Variants in ZCCHC2 observed in about 807,000 individuals in gnomAD.
The protein encoded by ZCCHC2 is zinc finger CCHC-type containing 2.
A neutral mutation model predicts 103.6 loss-of-function variants in ZCCHC2; 39 were observed. The ratio of observed to expected loss-of-function variants is 0.38; its 90% CI spans 0.29 to 0.49. The LOEUF (loss-of-function observed/expected upper bound fraction) is 0.49, where lower values mean the gene tolerates loss of function less well. ZCCHC2 is among the 20% of genes least tolerant of loss of function. The pLI, the probability that ZCCHC2 is intolerant of heterozygous loss-of-function variation, is 0.96. For missense variants in ZCCHC2, 1,483 were observed against 1,491.0 expected, an observed-to-expected ratio of 0.99 and a Z score of 0.09; for synonymous variants, 687 against 608.9, an observed-to-expected ratio of 1.13 and a Z score of -1.89.
rs763927773 is a variant in ZCCHC2 at position 62,575,501 on chromosome 18, A to C, written c.3420A>C (p.Gly1140=). The part of the protein sequence containing the change: ...NVSCYNCGVS[G]HYAQDCKQSS... The stretch of plus-strand genomic sequence containing the variant: ...CATGTTACAATTGTGGTGTAAGCGG[A>C]CACTATGCACAGGACTGTAAGCAGT... The change falls in exon 13 of 14, where the codon GGA becomes GGC. Residue 1140 remains glycine, a synonymous_variant. Coordinates refer to ENST00000269499, the MANE Select transcript of ZCCHC2 (RefSeq NM_017742.6). 3 of 1,613,926 alleles carry C rather than the reference A, an allele frequency of 1.9e-6. No individual in the cohort carries two copies. The African/African-American group carries it at 4.0e-5, about 22-fold the overall frequency.
chr18:62,549,784 C>T (rs1195109779), intron 4 of ZCCHC2, among the ~76,000 whole-genome samples: 3 of 152,154 alleles, frequency 2.0e-5, no homozygotes, highest in Admixed American at 6.5e-5. Flanking sequence ...GCACCTCTGG[C>T]GTGTGGTTTT....
chr18:62,545,428 C>CAG (rs1915370185), intron 4 of ZCCHC2, among the ~76,000 whole-genome samples: 1 of 152,014 alleles, frequency 6.6e-6, no homozygotes, highest in African/African-American at 2.4e-5. Context: ...CTTTGAGTTC[C>CAG]AGCTCCTCCC....
At chr18:62,526,949 GCTGGGCCGTA>G (rs983692390) in intron 1 of ZCCHC2, 1 of 149,236 alleles carries the variant, frequency 6.7e-6, no homozygotes, top group African/African-American at 2.5e-5. Flanking sequence ...TGGATGCTGC[GCTGGGCCGTA>G]CTGGGCCGTG....
At position 62,549,887 on chromosome 18, in the gene ZCCHC2, G is replaced by A. The variant is rs557873362; in HGVS notation, c.1201-461G>A. Reference sequence around the variant, plus strand: ...GCACTGGTGATCTGACATTGCCTGAGAGTAAAACGTAAAACAGGAGGCACA... The same window carrying A: ...GCACTGGTGATCTGACATTGCCTGAAAGTAAAACGTAAAACAGGAGGCACA... On this transcript the variant is annotated intron_variant, in intron 4 of 13. Coordinates refer to ENST00000269499, the MANE Select transcript of ZCCHC2 (RefSeq NM_017742.6). Among the ~76,000 whole-genome samples, 5 of 152,340 alleles carry A rather than the reference G, an allele frequency of 3.3e-5. No homozygotes were observed. The South Asian group carries it at 1.0e-3, about 32-fold the overall frequency.
chr18:62,535,815 G>A (rs546996885), intron 1 of ZCCHC2, among the ~76,000 whole-genome samples: 62 of 152,290 alleles, frequency 4.1e-4, no homozygotes, highest in Middle Eastern at 3.4e-3. Flanking sequence ...CCTTTAATCC[G>A]CCACGGAAGC....
intron 11 of ZCCHC2, among the ~76,000 whole-genome samples, chr18:62,567,960 G>T (rs115627914): frequency 1.3e-4 from 8 of 61,944 alleles, no homozygotes; most frequent in South Asian, 6.8e-4. Flanking sequence ...AAAAAAAAAA[G>T]AATGCTCATC....
intron 9 of ZCCHC2, among the ~76,000 whole-genome samples, chr18:62,563,402 T>C (rs1916210479): frequency 6.6e-6 from 1 of 152,214 alleles, no homozygotes; most frequent in Admixed American, 6.5e-5. Flanking sequence ...GTCACGCTTC[T>C]AATCCCAGCA....
chr18:62,563,142 C>A lies in ZCCHC2; in HGVS notation c.1684C>A (p.Gln562Lys). 6.2e-7 allele frequency: 1 copy of A among 1,612,414 alleles called. No homozygotes were observed. The highest frequency in any genetic ancestry group is 1.7e-5 in the Admixed American group (1 of 59,998). Residue 562 changes from glutamine to lysine, a missense_variant and splice_region_variant, in exon 9 of 14, where the codon CAG becomes AAG. Transcript: ENST00000269499. ...HPEHCVTSAD[Q>K]HSAEKRSLSS... ...AGAGCACTGTGTGACCTCGGCTGAC[C>A]AGGTGTGTGGGGAGTTTGTTTTGGA...
In ZCCHC2 at chr18:62,575,452, G is replaced by T; in HGVS notation, c.3371G>T (p.Gly1124Val). 6.2e-7 allele frequency: 1 copy of T among 1,614,016 alleles called. No individual in the cohort carries two copies. The highest frequency in any genetic ancestry group is 1.3e-5 in the African/African-American group (1 of 75,036). Residue 1124 changes from glycine (G) to valine (V), a missense_variant, in exon 13 of 14, where the codon GGG (glycine) becomes GTG (valine). Gly to Val is a moderately radical substitution (Grantham distance 109). Around this residue, in one of 3 missense-constraint regions of ZCCHC2, gnomAD observed 884 missense variants for 907.5 expected, o/e 0.97. Transcript: ENST00000269499. ...PNVVANTSGS[G>V]PKKNGNVSCY... is the part of the protein sequence containing the mutation. ...GTAGTTGCCAACACCAGTGGTTCGGGGCCCAAGAAGAATGGGAATGTCTCA... is the reference window on the plus strand; with the variant it reads ...GTAGTTGCCAACACCAGTGGTTCGGTGCCCAAGAAGAATGGGAATGTCTCA...
intron 4 of ZCCHC2, among the ~76,000 whole-genome samples, chr18:62,546,709 T>C (rs550063868): frequency 6.0e-4 from 92 of 152,262 alleles, no homozygotes; most frequent in Non-Finnish European, 9.6e-4. Flanking sequence ...GTCTGCCTTC[T>C]ACTGGCTTTC....
At position 62,523,447 on chromosome 18, in the gene ZCCHC2, T is replaced by C; in HGVS notation, c.23T>C (p.Leu8Pro). 5 of 1,089,908 alleles carry C rather than the reference T, an allele frequency of 4.6e-6. No individual in the cohort carries two copies. The highest frequency in any genetic ancestry group is 1.8e-5 in the African/African-American group (1 of 56,080). The allele number at this position is 1,089,908 out of a possible 1,614,324, so 67.5% of individuals were successfully genotyped here. Residue 8 changes from leucine to proline, a missense_variant, in exon 1 of 14, where the codon CTG (leucine) becomes CCG (proline). Coordinates refer to ENST00000269499, the MANE Select transcript of ZCCHC2 (RefSeq NM_017742.6). ...AGGATGCTGAGGATGAAGCTGCCGC[T>C]GAAGCCAACGCACCCCGCGGAGCCG... is the stretch of plus-strand genomic sequence containing the variant. MLRMKLP[L>P]KPTHPAEPPP...
chr18:62,554,356 G>C (rs944497919), intron 5 of ZCCHC2, among the ~76,000 whole-genome samples: 28 of 152,244 alleles, frequency 1.8e-4, no homozygotes, highest in African/African-American at 6.8e-4. Flanking sequence ...ATATGCTGTA[G>C]GTTAGGAAAA....
rs112771180 is a variant in ZCCHC2, at chr18:62,578,357, G to C, written c.*1778G>C. On this transcript the variant is annotated 3_prime_UTR_variant, in exon 14 of 14. Transcript: ENST00000269499. ...TTTTGATAAGCCACTTATGGGCCGC[G>C]TTGTGAATCACTTGCCAGTTGTACT... 6.6e-6 allele frequency: 1 copy of C among 152,566 alleles called. No individual in the cohort carries two copies. The highest frequency in any genetic ancestry group is 6.5e-5 in the Admixed American group (1 of 15,276). The allele number at this position is 152,566 out of a possible 1,614,324, so 9.5% of individuals were successfully genotyped here.
chr18:62,558,745 C>T lies in ZCCHC2; in HGVS notation c.1467C>T (p.Ser489=), dbSNP rs779864339. The change falls in exon 7 of 14, where the codon AGC becomes AGT. Residue 489 remains serine, a synonymous_variant. Transcript: ENST00000269499. ...SKILEHLKED[S]SEASSQEEDV... ...TATTAGAACACTTAAAAGAAGACAG[C>T]TCTGAAGCTTCAAGTCAAGAAGAAG... The T allele has an allele frequency of 6.5e-7, 1 of 1,546,634 alleles. No individual in the cohort carries two copies. The highest frequency in any genetic ancestry group is 2.4e-5 in the East Asian group (1 of 40,848).
chr18:62,557,285 C>G (rs1915928094), intron 6 of ZCCHC2, among the ~76,000 whole-genome samples: 1 of 152,316 alleles, frequency 6.6e-6, no homozygotes, highest in South Asian at 2.1e-4. Context: ...TGCTGAACTT[C>G]AGGCATAGCT....
chr18:62,574,708 TAGGACTC>T lies in ZCCHC2; in HGVS notation c.2629_2635del (p.Gly877IlefsTer20), dbSNP rs774251095. On this transcript the variant is annotated frameshift_variant, in exon 13 of 14. Transcript: ENST00000269499. LOFTEE classifies it high-confidence loss of function. ...ATCACAAAATCTGCATCCCAAGTGG[TAGGACTC>T]AATCAAATGGTGCCTCAAATTGAGG... The T allele has an allele frequency of 6.2e-7, 1 of 1,613,946 alleles. No homozygotes were observed. Among genetic ancestry groups the T allele is most frequent in the South Asian group, 1.1e-5 (1 of 91,080 alleles).
At chr18:62,555,760 A>T (rs760032409) in intron 5 of ZCCHC2, among the ~76,000 whole-genome samples, 6 of 152,086 alleles carry the variant, frequency 3.9e-5, no homozygotes, top group Non-Finnish European at 5.9e-5. Flanking sequence ...GTGAGCTGAG[A>T]TCGCGCCATT....
intron 12 of ZCCHC2, among the ~76,000 whole-genome samples, chr18:62,571,606 C>A (rs1307013943): frequency 6.6e-6 from 1 of 152,118 alleles, no homozygotes; most frequent in Admixed American, 6.5e-5. Flanking sequence ...GAGGTGAGAT[C>A]TCTTTAAAAA....
At chr18:62,538,972 C>T (rs1915054403) in intron 1 of ZCCHC2, among the ~76,000 whole-genome samples, 1 of 140,378 alleles carries the variant, frequency 7.1e-6, no homozygotes, top group African/African-American at 2.6e-5. Context: ...TAATAAAAAA[C>T]TGTCATAAGG....
Sources: gnomAD v4.1 joint callset for allele counts (sites outside exome capture counted in the v4.1 genomes callset) on GRCh38, gnomAD v4.1.1 for gene constraint, gnomAD v4.1.1 regional missense constraint, MANE v1.5 for transcripts, NCBI Gene and HGNC (gene_info 2026-07-23, HGNC 2026-07-21) for gene names.